Variants in ATP6V1A observed in about 807,000 individuals in gnomAD.
ATP6V1A encodes the protein V-type proton ATPase catalytic subunit A.
In ATP6V1A, 18 loss-of-function variants were observed where a neutral mutation model predicts 70.1. The ratio of observed to expected loss-of-function variants is 0.26; its 90% CI spans 0.18 to 0.38. The LOEUF (loss-of-function observed/expected upper bound fraction) is 0.38. ATP6V1A is among the 10% of genes least tolerant of loss of function. The probability of loss-of-function intolerance (pLI) is 1.00; values close to 1 mark genes in which losing one functional copy is unlikely to be tolerated. For synonymous variants in ATP6V1A, 232 were observed against 253.8 expected (o/e 0.91, Z 0.82); for missense variants, 424 against 772.4 (o/e 0.55, Z 5.35).
At chr3:113,767,954 C>T (rs1206489726) in intron 1 of ATP6V1A, among the ~76,000 whole-genome samples, 1 of 152,182 alleles carries the variant, frequency 6.6e-6, no homozygotes, top group Non-Finnish European at 1.5e-5. Flanking sequence ...GGAAAGTAAT[C>T]CATTTCTAAA....
chr3:113,789,155 C>T (rs1242543664), intron 7 of ATP6V1A, among the ~76,000 whole-genome samples: 4 of 152,154 alleles, frequency 2.6e-5, no homozygotes, highest in Admixed American at 2.0e-4. Flanking sequence ...TCAAGCGATT[C>T]TCCTTCCTCA....
intron 1 of ATP6V1A, among the ~76,000 whole-genome samples, chr3:113,749,305 A>ACG (rs1491074840): frequency 6.9e-6 from 1 of 145,978 alleles, no homozygotes; most frequent in Non-Finnish European, 1.5e-5. Context: ...ACACACACAC[A>ACG]CGATTGGAAG....
At chr3:113,771,374 AC>A (rs1241705905) in intron 1 of ATP6V1A, among the ~76,000 whole-genome samples, 1 of 151,094 alleles carries the variant, frequency 6.6e-6, no homozygotes, top group Admixed American at 6.6e-5. Context: ...TAGTATGTCT[AC>A]CTGATGAGTA....
rs200238598 is a variant in ATP6V1A at position 113,798,475 on chromosome 3, A to G, written c.1494+29A>G. Reference sequence around the variant, plus strand: ...AGTTGTTAAATTCCATGGAAGATAGATCTGTGGGTTACACTGGGGTGTTTC... The same window carrying G: ...AGTTGTTAAATTCCATGGAAGATAGGTCTGTGGGTTACACTGGGGTGTTTC... On this transcript the variant is annotated intron_variant, in intron 12 of 14. Coordinates refer to ENST00000273398, the MANE Select transcript of ATP6V1A (RefSeq NM_001690.4). 5.6e-6 allele frequency: 9 copies of G among 1,610,164 alleles called. No homozygotes were observed. In the East Asian group the frequency reaches 1.8e-4, roughly 32 times the overall value.
At chr3:113,798,924 CAG>C (rs1559760151) in intron 12 of ATP6V1A, among the ~76,000 whole-genome samples, 1 of 152,162 alleles carries the variant, frequency 6.6e-6, no homozygotes, top group Non-Finnish European at 1.5e-5. Flanking sequence ...AGTTAGTACT[CAG>C]AGTTCTTTGT....
intron 1 of ATP6V1A, among the ~76,000 whole-genome samples, chr3:113,767,659 CT>C (rs545483368): frequency 3.5e-4 from 51 of 145,248 alleles, no homozygotes; most frequent in South Asian, 4.4e-4. Flanking sequence ...AAGGAATCTA[CT>C]TTTTTTTTTT....
At chr3:113,749,341 C>T (rs1340937682) in intron 1 of ATP6V1A, among the ~76,000 whole-genome samples, 1 of 151,142 alleles carries the variant, frequency 6.6e-6, no homozygotes, top group Non-Finnish European at 1.5e-5. Context: ...TGAGACTAGC[C>T]TTATCAGTTT....
At chr3:113,776,081 A>G (rs1422921334) in intron 1 of ATP6V1A, among the ~76,000 whole-genome samples, 1 of 152,140 alleles carries the variant, frequency 6.6e-6, no homozygotes, top group Non-Finnish European at 1.5e-5. Context: ...AATTTCTGCC[A>G]GGCGCGGTGG....
At chr3:113,778,507 AGG>A (rs1708941541) in intron 1 of ATP6V1A, among the ~76,000 whole-genome samples, 1 of 152,198 alleles carries the variant, frequency 6.6e-6, no homozygotes, top group African/African-American at 2.4e-5. Context: ...CAGGAGTCTG[AGG>A]CTGCAGTGAG....
chr3:113,786,160 G>A (rs572861496), intron 5 of ATP6V1A, 72 bp from the exon 6 acceptor site: 830 of 1,413,818 alleles, frequency 5.9e-4, no homozygotes, highest in Non-Finnish European at 7.3e-4. Context: ...AAGGAGAATC[G>A]GGTTACTTTG....
intron 8 of ATP6V1A, among the ~76,000 whole-genome samples, chr3:113,794,431 T>C (rs958980658): frequency 3.0e-4 from 46 of 152,212 alleles, no homozygotes; most frequent in Admixed American, 2.9e-3. Flanking sequence ...TAATTCCAAA[T>C]ATATATTTGC....
chr3:113,786,535 C>A, intron 6 of ATP6V1A, 152 bp downstream of exon 6: 2 of 793,354 alleles, frequency 2.5e-6, no homozygotes, highest in Non-Finnish European at 3.5e-6. Flanking sequence ...TTATCTATTG[C>A]TAGCACTTAT....
chr3:113,772,323 CATGA>C (rs1256719136), intron 1 of ATP6V1A, among the ~76,000 whole-genome samples: 6 of 152,130 alleles, frequency 3.9e-5, no homozygotes, highest in Non-Finnish European at 7.4e-5. Flanking sequence ...TGAGCAGAGA[CATGA>C]ATGATGTGAA....
chr3:113,800,145 C>G (rs1304366226), intron 12 of ATP6V1A, among the ~76,000 whole-genome samples: 1 of 151,312 alleles, frequency 6.6e-6, no homozygotes. Flanking sequence ...GGCAGGAGAA[C>G]TGCTTGAACC....
intron 2 of ATP6V1A, 39 bp from the exon 3 acceptor site, chr3:113,781,009 TAG>T (rs1425766702): frequency 6.4e-7 from 1 of 1,562,142 alleles, no homozygotes; most frequent in Non-Finnish European, 8.6e-7. Context: ...CACAGAGCAC[TAG>T]AGTCTTAAGT....
At chr3:113,763,129 C>T (rs1475296260) in intron 1 of ATP6V1A, among the ~76,000 whole-genome samples, 1 of 151,962 alleles carries the variant, frequency 6.6e-6, no homozygotes, top group Admixed American at 6.6e-5. Flanking sequence ...CTCGCTCTGT[C>T]ACCTAGGCTG....
rs1394202179 is a variant in ATP6V1A at position 113,751,304 on chromosome 3, G to GATTC, written c.-14+4193_-14+4196dup. On this transcript the variant is annotated intron_variant, in intron 1 of 14. Coordinates refer to ENST00000273398, the MANE Select transcript of ATP6V1A (RefSeq NM_001690.4). ...AAAATTCTTCCCTTCTTAAATTCATGATTCACAAGGGTTAGTAGTTTTGCA... is the reference window on the plus strand; with the variant it reads ...AAAATTCTTCCCTTCTTAAATTCATGATTCATTCACAAGGGTTAGTAGTTTTGCA... 1.1e-4 allele frequency among the ~76,000 whole-genome samples: 16 copies of GATTC among 151,826 alleles called. 1 individual carries two copies. Among genetic ancestry groups the GATTC allele is most frequent in the African/African-American group, 3.1e-4 (13 of 41,448 alleles).
chr3:113,802,831 T>G (rs1336935427), intron 12 of ATP6V1A: 1 of 152,138 alleles, frequency 6.6e-6, no homozygotes, highest in East Asian at 1.9e-4. Context: ...CCTGGGTAAT[T>G]TTTGTATTTT....
At chr3:113,752,403 ATAAG>A (rs1708597440) in intron 1 of ATP6V1A, among the ~76,000 whole-genome samples, 2 of 152,056 alleles carry the variant, frequency 1.3e-5, no homozygotes, top group South Asian at 2.1e-4. Flanking sequence ...ATGCATCAAA[ATAAG>A]TAATTATCTC....
Sources: gnomAD v4.1 joint callset for allele counts (sites outside exome capture counted in the v4.1 genomes callset) on GRCh38, gnomAD v4.1.1 for gene constraint, MANE v1.5 for transcripts, NCBI Gene and HGNC (gene_info 2026-07-23, HGNC 2026-07-21) for gene names.